SLC25A22: variants seen among roughly 807,000 people sequenced by gnomAD.
SLC25A22 encodes mitochondrial glutamate carrier 1.
A neutral mutation model predicts 33.7 loss-of-function variants in SLC25A22; 23 were observed. The ratio of observed to expected loss-of-function variants is 0.68; its 90% confidence interval spans 0.49 to 0.97. The LOEUF is 0.97. Among genes scored for constraint, SLC25A22 ranks in the 50% least tolerant of loss-of-function variants. The pLI, the probability that SLC25A22 is intolerant of heterozygous loss-of-function variation, is 0.00. For missense variants in SLC25A22, 390 were observed against 451.1 expected (o/e 0.86, Z 1.23); for synonymous variants, 245 against 203.8 (o/e 1.20, Z -1.72).
At position 794,790 on chromosome 11, in the gene SLC25A22, G is replaced by A. The variant is rs146402942; in HGVS notation, c.132C>T (p.Arg44=). Reference sequence around the variant, plus strand: ...GGCACACTCACATGCTCGTGTACACGCGCTGGCCGTTCTGCTGGTTCTGCA... The same window carrying A: ...GGCACACTCACATGCTCGTGTACACACGCTGGCCGTTCTGCTGGTTCTGCA... ...TRLQNQQNGQ[R]VYTSMSDCLI... is the part of the protein sequence containing the mutation. The change falls in exon 3 of 10, where the codon CGC becomes CGT. Residue 44 remains arginine, a synonymous_variant. Transcript: ENST00000628067. 2,288 of 1,598,154 alleles carry A rather than the reference G, an allele frequency of 1.4e-3. 2 individuals carry two copies. The highest frequency in any genetic ancestry group is 1.8e-3 in the Non-Finnish European group (2,108 of 1,174,004).
At chr11:794,229 C>T (rs944629887) in intron 4 of SLC25A22, 15 of 704,594 alleles carry the variant, frequency 2.1e-5, no homozygotes, top group East Asian at 1.3e-4. Context: ...TGGCATCCCA[C>T]GCACCAGGCA....
At chr11:797,729 G>A (rs905681174) in intron 1 of SLC25A22, 3 of 398,534 alleles carry the variant, frequency 7.5e-6, no homozygotes, top group African/African-American at 4.1e-5. Context: ...GGAGGGTCCC[G>A]GAAGGGGACT....
intron 1 of SLC25A22, among the ~76,000 whole-genome samples, chr11:797,002 G>A (rs1864858688): frequency 6.6e-6 from 1 of 152,054 alleles, no homozygotes. Context: ...GGGCTGCGCT[G>A]GGCCCTTCAT....
Position 790,607 on chromosome 11 carries a change from A to AG in SLC25A22, c.*1307dup, listed in dbSNP as rs1864461922. On this transcript the variant is annotated 3_prime_UTR_variant, in exon 10 of 10. Coordinates refer to ENST00000628067, the MANE Select transcript of SLC25A22 (RefSeq NM_001191061.2). Reference sequence around the variant, plus strand: ...GCTTCCAAGGTTCTGATGTGACGGGAGGGGCAGCTCCCAGGAGCAACCGTG... The same window carrying AG: ...GCTTCCAAGGTTCTGATGTGACGGGAGGGGGCAGCTCCCAGGAGCAACCGTG... 6.6e-6 allele frequency: 1 copy of AG among 152,282 alleles called. No individual in the cohort carries two copies. Among genetic ancestry groups the AG allele is most frequent in the Non-Finnish European group, 1.5e-5 (1 of 68,076 alleles). The allele number at this position is 152,282 out of a possible 1,614,324, so 9.4% of individuals were successfully genotyped here.
intron 3 of SLC25A22, 65 bp downstream of exon 3, chr11:794,711 A>G: frequency 6.4e-7 from 1 of 1,564,398 alleles, no homozygotes; most frequent in Non-Finnish European, 8.6e-7. Context: ...GCACAGGAGC[A>G]GAGCCCCCAC....
chr11:794,335 G>C, intron 4 of SLC25A22, 123 bp downstream of exon 4: 1 of 1,127,072 alleles, frequency 8.9e-7, no homozygotes, highest in East Asian at 2.6e-5. Context: ...CCACAAACAC[G>C]TCCACGCTCA....
rs28501311 is a variant in SLC25A22 at position 795,366 on chromosome 11, G to A, written c.-163-197C>T. On this transcript the variant is annotated intron_variant, in intron 1 of 9. Transcript: ENST00000628067. ...CCTGGGACCACCTGGCTTCCTTTCA[G>A]TCCCCCCCTCCCCACCGCCAGCGTC... The A allele has an allele frequency of 0.95, 305,589 of 323,192 alleles. 145,231 individuals carry two copies. Among genetic ancestry groups the A allele is most frequent in the East Asian group, 0.99 (15,019 of 15,210 alleles). 20.0% of individuals were successfully genotyped at this position (323,192 alleles called of 1,614,324 possible).
At position 795,413 on chromosome 11, in the gene SLC25A22, C is replaced by T. The variant is rs556906754; in HGVS notation, c.-163-244G>A. ...CGTCTTCCCAGCCAGCCTCACACGC[C>T]GCTCACGCTCGGGGCTCACGTGCAC... On this transcript the variant is annotated intron_variant, in intron 1 of 9. Transcript: ENST00000628067. 275 of 360,178 alleles carry T rather than the reference C, an allele frequency of 7.6e-4. 4 individuals are homozygous for T. The East Asian group carries it at 0.014, about 19-fold the overall frequency. The allele number at this position is 360,178 out of a possible 1,614,324, so 22.3% of individuals were successfully genotyped here. A position where few individuals can be genotyped will look rare whatever the true frequency, so the allele number is the denominator to read the frequency against.
intron 4 of SLC25A22, 54 bp from the exon 5 acceptor site, chr11:793,673 G>A: frequency 7.5e-7 from 1 of 1,330,368 alleles, no homozygotes; most frequent in Non-Finnish European, 1.1e-6. Context: ...GAGTGGGGAG[G>A]CGCTTGGCCA....
Position 791,678 on chromosome 11 carries a change from G to A in SLC25A22, c.*237C>T. ...GGATTGGGGCAGGGGCTAGCTTGAG[G>A]AATGTAAAGATTTCTGCATTTTCTA... On this transcript the variant is annotated 3_prime_UTR_variant, in exon 10 of 10. Coordinates refer to ENST00000628067, the MANE Select transcript of SLC25A22 (RefSeq NM_001191061.2). The A allele has an allele frequency of 1.7e-6, 1 of 596,794 alleles. No individual in the cohort carries two copies. The highest frequency in any genetic ancestry group is 2.9e-6 in the Non-Finnish European group (1 of 340,262). The allele number at this position is 596,794 out of a possible 1,614,324, so 37.0% of individuals were successfully genotyped here. A position where few individuals can be genotyped will look rare whatever the true frequency, so the allele number is the denominator to read the frequency against.
At chr11:794,062 G>A (rs1398838474) in intron 4 of SLC25A22, 2 of 503,628 alleles carry the variant, frequency 4.0e-6, no homozygotes, top group East Asian at 8.1e-5. Flanking sequence ...AAGGCTCAGG[G>A]CTGGAGAGCT....
intron 4 of SLC25A22, chr11:793,832 A>C: frequency 1.7e-6 from 1 of 600,800 alleles, no homozygotes; most frequent in South Asian, 1.9e-5. Context: ...TCCCATGCCC[A>C]CTGCAGCTCC....
rs370323130 is a variant in SLC25A22 at position 795,432 on chromosome 11, C to T, written c.-163-263G>A. On this transcript the variant is annotated intron_variant, in intron 1 of 9. Transcript: ENST00000628067. The stretch of plus-strand genomic sequence containing the variant: ...ACACGCCGCTCACGCTCGGGGCTCA[C>T]GTGCACCCCAGCCAGCTCCGGCTTT... 213 of 366,952 alleles carry T rather than the reference C, an allele frequency of 5.8e-4. 3 individuals are homozygous for T. In the East Asian group the frequency reaches 0.011, roughly 19 times the overall value. 22.7% of individuals were successfully genotyped at this position (366,952 alleles called of 1,614,324 possible).
intron 1 of SLC25A22, chr11:797,929 C>T: frequency 2.5e-6 from 1 of 398,480 alleles, no homozygotes; most frequent in Non-Finnish European, 4.4e-6. Flanking sequence ...ACGTGTGCGT[C>T]CCACACGGGT....
Position 791,378 on chromosome 11 carries a change from C to G in SLC25A22, c.*537G>C, listed in dbSNP as rs1864509584. On this transcript the variant is annotated 3_prime_UTR_variant, in exon 10 of 10. Coordinates refer to ENST00000628067, the MANE Select transcript of SLC25A22 (RefSeq NM_001191061.2). ...GGGATTCCTGGCTCAACAGAGAGGG[C>G]AGGAGACCCCAGTCCTCTTGCAAGG... is the stretch of plus-strand genomic sequence containing the variant. 5.9e-6 allele frequency: 1 copy of G among 170,288 alleles called. No homozygotes were observed. The highest frequency in any genetic ancestry group is 1.3e-5 in the Non-Finnish European group (1 of 78,872). The allele number at this position is 170,288 out of a possible 1,614,324, so 10.5% of individuals were successfully genotyped here.
Position 792,538 on chromosome 11 carries a change from C to G in SLC25A22, c.587+15G>C. 6.2e-7 allele frequency: 1 copy of G among 1,612,420 alleles called. No homozygotes were observed. Among genetic ancestry groups the G allele is most frequent in the Non-Finnish European group, 8.5e-7 (1 of 1,179,750 alleles). On this transcript the variant is annotated intron_variant, in intron 7 of 9. Transcript: ENST00000628067. ...CCTCCCCCTTCCCTCCCCCCACCTGCCCTGTGCCTCCTACCTGAGCAGCGT... is the reference window on the plus strand; with the variant it reads ...CCTCCCCCTTCCCTCCCCCCACCTGGCCTGTGCCTCCTACCTGAGCAGCGT...
rs751993115 is a variant in SLC25A22, at chr11:792,437, C to T, written c.609G>A (p.Val203=). ...TLLRDVPFSV[V]YFPLFANLNQ... is the part of the protein sequence containing the mutation. Reference sequence around the variant, plus strand: ...TCAGGTTGGCAAAGAGCGGGAAGTACACCACAGAGAAGGGGACATCCCTGT... The same window carrying T: ...TCAGGTTGGCAAAGAGCGGGAAGTATACCACAGAGAAGGGGACATCCCTGT... The change falls in exon 8 of 10, where the codon GTG becomes GTA. Residue 203 remains valine, a synonymous_variant. Transcript: ENST00000628067. The T allele has an allele frequency of 2.0e-5, 32 of 1,613,440 alleles. No homozygotes were observed. The highest frequency in any genetic ancestry group is 2.7e-5 in the Non-Finnish European group (32 of 1,179,964).
At chr11:794,724 C>T in intron 3 of SLC25A22, 52 bp downstream of exon 3, 1 of 1,581,102 alleles carries the variant, frequency 6.3e-7, no homozygotes. Flanking sequence ...GCCCCCACCT[C>T]TCCTGCTGCC....
chr11:792,612 G>A lies in SLC25A22; in HGVS notation c.528C>T (p.Asp176=), dbSNP rs1375866810. The change falls in exon 7 of 10, where the codon GAC becomes GAT. Residue 176 remains aspartate (D), a synonymous_variant. Transcript: ENST00000628067. ...PRPTATQLTR[D]LLRSRGIAGL... ...CGGCAATGCCACGGCTCCGCAGCAG[G>A]TCGCGGGTCAGCTGGGTGGCCGTGG... 2 of 1,607,700 alleles carry A rather than the reference G, an allele frequency of 1.2e-6. No homozygotes were observed. Among genetic ancestry groups the A allele is most frequent in the Non-Finnish European group, 1.7e-6 (2 of 1,177,898 alleles).
Sources: allele counts gnomAD v4.1 joint callset (sites outside exome capture counted in the v4.1 genomes callset), GRCh38; gene constraint gnomAD v4.1.1; transcripts MANE v1.5; gene names NCBI Gene and HGNC (gene_info 2026-07-23, HGNC 2026-07-21).